ZNF483: variants seen among roughly 807,000 people sequenced by gnomAD.
ZNF483 encodes the protein zinc finger protein 483.
ZNF483 carries 9 observed loss-of-function variants against 28.6 expected under a neutral mutation model. The observed-to-expected ratio is 0.32, with a 90% CI of 0.19 to 0.55. The LOEUF (loss-of-function observed/expected upper bound fraction) is 0.55, where lower values mean the gene tolerates loss of function less well. Ranked by LOEUF, ZNF483 falls within the 20% of genes least tolerant of loss-of-function variation. The pLI is 0.93. For missense variants in ZNF483, 675 were observed against 871.7 expected (o/e 0.77, Z 2.84); for synonymous variants, 322 against 306.2 (o/e 1.05, Z -0.54).
At chr9:111,525,412 T>A (rs898848217) in intron 1 of ZNF483, 150 bp downstream of exon 1, 1 of 152,352 alleles carries the variant, frequency 6.6e-6, no homozygotes, top group Non-Finnish European at 1.5e-5. Flanking sequence ...CGCACTCCGC[T>A]GCGGGATGGG....
chr9:111,561,242 G>A lies in ZNF483; in HGVS notation c.722-15123G>A, dbSNP rs938293021. 2.0e-5 allele frequency among the ~76,000 whole-genome samples: 3 copies of A among 150,144 alleles called. No individual in the cohort carries two copies. In the Admixed American group the frequency reaches 2.0e-4, roughly 10 times the overall value. On this transcript the variant is annotated intron_variant, in intron 5 of 5. Transcript: ENST00000358151. ...TTTCCATATGTTCAAGTCTTCTTTT[G>A]TGTTCATCAGTAATGTTGCTTTTGT...
intron 5 of ZNF483, chr9:111,562,593 A>G (rs906837822): frequency 2.0e-5 from 3 of 151,824 alleles, no homozygotes; most frequent in Admixed American, 1.3e-4. Flanking sequence ...TTTTAATTTA[A>G]TTTTATTTTA....
downstream of ZNF483, among the ~76,000 whole-genome samples, chr9:111,558,519 A>C (rs771589541): frequency 6.6e-5 from 10 of 152,202 alleles, no homozygotes; most frequent in Non-Finnish European, 1.3e-4. Context: ...TTAAAAAAAG[A>C]AAACTGAAAA....
chr9:111,535,864 C>T (rs1827482534), intron 5 of ZNF483, among the ~76,000 whole-genome samples: 1 of 145,850 alleles, frequency 6.9e-6, no homozygotes, highest in South Asian at 2.2e-4. Flanking sequence ...TTTTTTTATA[C>T]TTACCTATAT....
At chr9:111,536,477 A>G (rs1416020479) in intron 5 of ZNF483, among the ~76,000 whole-genome samples, 4 of 152,202 alleles carry the variant, frequency 2.6e-5, no homozygotes, top group African/African-American at 7.2e-5. Context: ...CTGAGCCGAG[A>G]TGGCGCCACA....
chr9:111,538,050 C>T (rs752618214), intron 5 of ZNF483, among the ~76,000 whole-genome samples: 1 of 151,704 alleles, frequency 6.6e-6, no homozygotes, highest in African/African-American at 2.4e-5. Context: ...AATTTGTGTA[C>T]ATTTTATAGT....
chr9:111,568,731 CCT>C (rs1403744053), intron 5 of ZNF483, among the ~76,000 whole-genome samples: 1 of 152,180 alleles, frequency 6.6e-6, no homozygotes, highest in Non-Finnish European at 1.5e-5. Context: ...CTGTAAAATT[CCT>C]CTCTTTGTAC....
downstream of ZNF483, among the ~76,000 whole-genome samples, chr9:111,559,664 TCTGGGCTTTGACTCC>T: frequency 6.6e-6 from 1 of 150,470 alleles, no homozygotes; most frequent in South Asian, 2.1e-4. Flanking sequence ...CACACACAGC[TCTGGGCTTTGACTCC>T]CTGTGCCAGG....
chr9:111,551,958 G>T lies in ZNF483; in HGVS notation c.*8788G>T, dbSNP rs1827975464. Among the ~76,000 whole-genome samples, 3 of 151,252 alleles carry T rather than the reference G, an allele frequency of 2.0e-5. No individual in the cohort carries two copies. The highest frequency in any genetic ancestry group is 2.0e-4 in the Admixed American group (3 of 15,220). On this transcript the variant is annotated 3_prime_UTR_variant, in exon 6 of 6. Coordinates refer to ENST00000309235, the MANE Select transcript of ZNF483 (RefSeq NM_133464.5). Reference sequence around the variant, plus strand: ...TTACATTTAAAATTTTGTGCATATTGTCTCATTTGAAAAATGTGAGTTATT... The same window carrying T: ...TTACATTTAAAATTTTGTGCATATTTTCTCATTTGAAAAATGTGAGTTATT...
chr9:111,573,876 G>A (rs1828942189), intron 5 of ZNF483, among the ~76,000 whole-genome samples: 1 of 152,112 alleles, frequency 6.6e-6, no homozygotes, highest in Non-Finnish European at 1.5e-5. Flanking sequence ...AAGAGAGTAG[G>A]GAGTGGGGAA....
intron 5 of ZNF483, among the ~76,000 whole-genome samples, chr9:111,572,018 C>T (rs534020725): frequency 1.3e-5 from 2 of 152,276 alleles, no homozygotes; most frequent in Admixed American, 6.5e-5. Flanking sequence ...AGAATGACAC[C>T]TCAGCATAGG....
Position 111,530,938 on chromosome 9 carries a change from CTG to C in ZNF483, c.478_479del (p.Val160LeufsTer5). On this transcript the variant is annotated frameshift_variant, in exon 3 of 6. Coordinates refer to ENST00000309235, the MANE Select transcript of ZNF483 (RefSeq NM_133464.5). LOFTEE classifies it high-confidence loss of function. Reference sequence around the variant, plus strand: ...AACTCAAAAGAGGATAAAATGGTCACTGTTTGTCCCAATACTGAGTCCTGTGT... The same window carrying C: ...AACTCAAAAGAGGATAAAATGGTCACTTTGTCCCAATACTGAGTCCTGTGT... 6.4e-7 allele frequency: 1 copy of C among 1,556,008 alleles called. No homozygotes were observed. Among genetic ancestry groups the C allele is most frequent in the Non-Finnish European group, 8.8e-7 (1 of 1,141,526 alleles).
intron 5 of ZNF483, among the ~76,000 whole-genome samples, chr9:111,572,424 A>G (rs1828858269): frequency 6.6e-6 from 1 of 152,122 alleles, no homozygotes; most frequent in African/African-American, 2.4e-5. Flanking sequence ...CCCTGTCTCT[A>G]CTAAAAATAA....
rs762661916 is a variant in ZNF483 at position 111,533,795 on chromosome 9, G to T, written c.558G>T (p.Lys186Asn). The T allele has an allele frequency of 1.9e-6, 3 of 1,590,606 alleles. No homozygotes were observed. Among genetic ancestry groups the T allele is most frequent in the Non-Finnish European group, 2.6e-6 (3 of 1,173,374 alleles). Residue 186 changes from lysine to asparagine, a missense_variant, in exon 4 of 6, where the codon AAG becomes AAT. Physicochemically the swap from Lys to Asn is moderately conservative, Grantham distance 94. This residue lies in a region of ZNF483 where 525 missense variants were observed against 581.8 expected (regional missense o/e 0.90). Transcript: ENST00000309235. ...AVNFSRGEWK[K>N]LEPFQKELYK... ...ACTTTTCAAGAGGAGAGTGGAAGAA[G>T]CTGGAGCCTTTTCAAAAGGAGCTAT... is the stretch of plus-strand genomic sequence containing the variant.
intron 5 of ZNF483, among the ~76,000 whole-genome samples, chr9:111,540,143 A>T (rs12115820): frequency 1.2e-4 from 19 of 152,186 alleles, no homozygotes; most frequent in East Asian, 1.9e-4. Flanking sequence ...AAAAAATTTT[A>T]AAAAATTTTT....
chr9:111,543,690 T>C lies in ZNF483; in HGVS notation c.*520T>C, dbSNP rs1827730043. 1.0e-6 allele frequency: 1 copy of C among 978,316 alleles called. No individual in the cohort carries two copies. The highest frequency in any genetic ancestry group is 1.2e-6 in the Non-Finnish European group (1 of 823,476). 60.6% of individuals were successfully genotyped at this position (978,316 alleles called of 1,614,324 possible). A position where few individuals can be genotyped will look rare whatever the true frequency, so the allele number is the denominator to read the frequency against. ...TGAAGCTGTGGACATAAGTTATTTT[T>C]TTTTATTTGTCATTACTTTCAAGTT... On this transcript the variant is annotated 3_prime_UTR_variant, in exon 6 of 6. Coordinates refer to ENST00000309235, the MANE Select transcript of ZNF483 (RefSeq NM_133464.5).
rs890543136 is a variant in ZNF483 at position 111,548,544 on chromosome 9, C to T, written c.*5374C>T. 3.9e-5 allele frequency among the ~76,000 whole-genome samples: 6 copies of T among 152,122 alleles called. No homozygotes were observed. The highest frequency in any genetic ancestry group is 8.8e-5 in the Non-Finnish European group (6 of 68,018). On this transcript the variant is annotated 3_prime_UTR_variant, in exon 6 of 6. Transcript: ENST00000309235. Reference sequence around the variant, plus strand: ...GGGATTTTTAAATATAAGATTATGGCATCTGCAAATAGATAATTTTTCCTT... The same window carrying T: ...GGGATTTTTAAATATAAGATTATGGTATCTGCAAATAGATAATTTTTCCTT...
rs751490862 is a variant in ZNF483 at position 111,530,962 on chromosome 9, G to A, written c.500G>A (p.Cys167Tyr). The change falls in exon 3 of 6, where the codon TGT (cysteine) becomes TAT (tyrosine). Residue 167 changes from cysteine to tyrosine, a missense_variant and splice_region_variant. Physicochemically the swap from Cys to Tyr is radical, Grantham distance 194. This residue lies in a region of ZNF483 where 525 missense variants were observed against 581.8 expected (regional missense o/e 0.90). Coordinates refer to ENST00000309235, the MANE Select transcript of ZNF483 (RefSeq NM_133464.5). The stretch of plus-strand genomic sequence containing the variant: ...ACTGTTTGTCCCAATACTGAGTCCT[G>A]TGTAAGTTTCCTTTGATGGTTTTTA... ...MVTVCPNTES[C>Y]ESITLKDVAV... The A allele has an allele frequency of 2.0e-6, 3 of 1,481,618 alleles. No homozygotes were observed. The highest frequency in any genetic ancestry group is 3.6e-5 in the Admixed American group (2 of 55,414). 91.8% of individuals were successfully genotyped at this position (1,481,618 alleles called of 1,614,324 possible).
At chr9:111,572,376 C>T (rs891343623) in intron 5 of ZNF483, among the ~76,000 whole-genome samples, 12 of 152,046 alleles carry the variant, frequency 7.9e-5, no homozygotes, top group Non-Finnish European at 4.4e-5. Flanking sequence ...GAGCAGATCA[C>T]GAGGTCAGGA....
Sources: allele counts gnomAD v4.1 joint callset (sites outside exome capture counted in the v4.1 genomes callset), GRCh38; gene constraint gnomAD v4.1.1; regional missense constraint gnomAD v4.1.1; transcripts MANE v1.5; gene names NCBI Gene and HGNC (gene_info 2026-07-23, HGNC 2026-07-21).